TBC1D5: variants seen among roughly 807,000 people sequenced by gnomAD.
TBC1D5 encodes TBC1 domain family member 5.
Under a neutral mutation model 100.3 loss-of-function variants are expected in TBC1D5, and 75 were observed. That is an observed-to-expected ratio of 0.75 (90% confidence interval 0.62 to 0.91). The LOEUF (loss-of-function observed/expected upper bound fraction) is 0.91. TBC1D5 is among the 40% of genes least tolerant of loss of function. TBC1D5 has a pLI of 0.00. For missense variants in TBC1D5, 910 were observed against 942.4 expected (o/e 0.97, Z 0.45); for synonymous variants, 323 against 325.6 (o/e 0.99, Z 0.09).
chr3:17,167,054 AT>A, intron 20 of TBC1D5, 126 bp from the exon 22 acceptor site: 1 of 922,572 alleles, frequency 1.1e-6, no homozygotes, highest in Non-Finnish European at 1.5e-6. Context: ...GAATATTAAT[AT>A]TTTACTATAA....
chr3:17,562,723 C>T (rs189691808), intron 2 of TBC1D5, among the ~76,000 whole-genome samples: 37 of 152,138 alleles, frequency 2.4e-4, no homozygotes, highest in African/African-American at 8.4e-4. Flanking sequence ...TTTGAAGGAC[C>T]CAAATGGCAA....
At chr3:17,483,703 TGTTA>T (rs1218391469) in intron 3 of TBC1D5, among the ~76,000 whole-genome samples, 41 of 152,304 alleles carry the variant, frequency 2.7e-4, no homozygotes, top group African/African-American at 9.6e-4. Flanking sequence ...TATAGAAATG[TGTTA>T]GATATTTACT....
chr3:17,425,077 T>C (rs924438067), intron 4 of TBC1D5, among the ~76,000 whole-genome samples: 3 of 152,188 alleles, frequency 2.0e-5, no homozygotes, highest in Admixed American at 6.5e-5. Flanking sequence ...TTTGGTATAT[T>C]AGATCACTGT....
In TBC1D5 at chr3:17,473,517, C is replaced by T. The variant is rs114761314; in HGVS notation, c.97+34957G>A. ...TAAAACTTAAACCTAAATATAAACA[C>T]GTAAAGTATAAAACACTAAGCTCTG... On this transcript the variant is annotated intron_variant, in intron 3 of 21. Transcript: ENST00000253692. Among the ~76,000 whole-genome samples the T allele has an allele frequency of 2.5e-3, 384 of 152,236 alleles. 2 individuals carry two copies. The highest frequency in any genetic ancestry group is 8.3e-3 in the African/African-American group (346 of 41,544).
chr3:17,171,982 G>T (rs555433459), intron 19 of TBC1D5, among the ~76,000 whole-genome samples: 1 of 152,264 alleles, frequency 6.6e-6, no homozygotes, highest in Non-Finnish European at 1.5e-5. Flanking sequence ...CAGAGCTGTA[G>T]TATCACCACC....
intron 13 of TBC1D5, among the ~76,000 whole-genome samples, chr3:17,363,792 C>A (rs2091913050): frequency 6.6e-6 from 1 of 151,832 alleles, no homozygotes; most frequent in South Asian, 2.1e-4. Flanking sequence ...TTTGTTGTTT[C>A]ATTTTACTGT....
chr3:17,526,184 A>C (rs761393148), intron 2 of TBC1D5, among the ~76,000 whole-genome samples: 3 of 152,156 alleles, frequency 2.0e-5, no homozygotes, highest in Non-Finnish European at 4.4e-5. Flanking sequence ...GCTTATTTCT[A>C]TAAAAGAAAA....
intron 1 of TBC1D5, among the ~76,000 whole-genome samples, chr3:17,705,053 G>A (rs1183565242): frequency 7.6e-6 from 1 of 131,160 alleles, no homozygotes; most frequent in Non-Finnish European, 1.7e-5. Flanking sequence ...GCGGGGGGCT[G>A]ACCCCCCCAC....
At chr3:17,225,077 G>C (rs2074703229) in intron 17 of TBC1D5, among the ~76,000 whole-genome samples, 1 of 152,134 alleles carries the variant, frequency 6.6e-6, no homozygotes, top group African/African-American at 2.4e-5. Flanking sequence ...ATGATGGAGA[G>C]CACAGTCTAC....
chr3:17,186,925 G>C (rs1323777170), intron 18 of TBC1D5, among the ~76,000 whole-genome samples: 1 of 151,970 alleles, frequency 6.6e-6, no homozygotes, highest in Non-Finnish European at 1.5e-5. Flanking sequence ...TTAGCCAAAG[G>C]ATAATTAGAA....
At chr3:17,700,885 C>G (rs2073076039) in intron 1 of TBC1D5, among the ~76,000 whole-genome samples, 1 of 151,576 alleles carries the variant, frequency 6.6e-6, no homozygotes, top group Admixed American at 6.6e-5. Flanking sequence ...GTTGGTGGGA[C>G]TGTAAACCAG....
At chr3:17,232,930 C>A (rs2733502) in intron 17 of TBC1D5, among the ~76,000 whole-genome samples, 1 of 151,834 alleles carries the variant, frequency 6.6e-6, no homozygotes, top group Non-Finnish European at 1.5e-5. Context: ...ATAGAAGATT[C>A]TTAAAGTTAC....
At chr3:17,200,547 C>T (rs1000996005) in intron 18 of TBC1D5, among the ~76,000 whole-genome samples, 1 of 152,254 alleles carries the variant, frequency 6.6e-6, no homozygotes, top group Non-Finnish European at 1.5e-5. Flanking sequence ...ATCCTGAAAC[C>T]ATGCCCCTGC....
intron 1 of TBC1D5, among the ~76,000 whole-genome samples, chr3:17,728,854 C>A (rs1229878754): frequency 6.6e-6 from 1 of 150,890 alleles, no homozygotes; most frequent in East Asian, 1.9e-4. Flanking sequence ...AACCAAAAAT[C>A]GTAAACAAAA....
intron 4 of TBC1D5, among the ~76,000 whole-genome samples, chr3:17,412,343 G>A (rs541507964): frequency 6.6e-6 from 1 of 152,238 alleles, no homozygotes; most frequent in African/African-American, 2.4e-5. Context: ...TAAAATAACA[G>A]TAGCACCATA....
chr3:17,740,608 G>GA (rs1347320470), exon 1 of TBC1D5: 3 of 152,132 alleles, frequency 2.0e-5, no homozygotes, highest in African/African-American at 7.2e-5. Flanking sequence ...ATTTACGTGT[G>GA]AAAAAATTAC....
intron 14 of TBC1D5, among the ~76,000 whole-genome samples, chr3:17,306,777 TTTA>T (rs1171425076): frequency 6.6e-6 from 1 of 152,112 alleles, no homozygotes; most frequent in African/African-American, 2.4e-5. Context: ...TCTCATTCCT[TTTA>T]TTATTATTTA....
At position 17,463,346 on chromosome 3, in the gene TBC1D5, T is replaced by C. The variant is rs1007387260; in HGVS notation, c.98-34827A>G. ...TTTATTTGCCTACTTCTGGGTTCCA[T>C]TGGATTGGATACTACAGTCGATCAT... On this transcript the variant is annotated intron_variant, in intron 3 of 21. Transcript: ENST00000253692. Among the ~76,000 whole-genome samples, 28 of 152,168 alleles carry C rather than the reference T, an allele frequency of 1.8e-4. 1 individual carries two copies. Among genetic ancestry groups the C allele is most frequent in the Middle Eastern group, 3.2e-3 (1 of 316 alleles).
chr3:17,536,302 A>T (rs946470340), intron 2 of TBC1D5, among the ~76,000 whole-genome samples: 1 of 152,214 alleles, frequency 6.6e-6, no homozygotes, highest in Non-Finnish European at 1.5e-5. Flanking sequence ...GTTAAAGAGG[A>T]TGTATGTTAG....
Sources: allele counts gnomAD v4.1 joint callset (sites outside exome capture counted in the v4.1 genomes callset), GRCh38; gene constraint gnomAD v4.1.1; transcripts MANE v1.5; gene names NCBI Gene and HGNC (gene_info 2026-07-23, HGNC 2026-07-21).